RBFOX1: variants seen among roughly 807,000 people sequenced by gnomAD.
RBFOX1 encodes the protein RNA binding fox-1 homolog 1.
A neutral mutation model predicts 57.7 loss-of-function variants in RBFOX1; 8 were observed. The observed-to-expected ratio is 0.14, with a 90% CI of 0.08 to 0.25. RBFOX1 has a LOEUF of 0.25. RBFOX1 is among the 10% of genes least tolerant of loss of function. The pLI is 1.00. For missense variants in RBFOX1, 611 were observed against 548.5 expected (o/e 1.11, Z -1.14); for synonymous variants, 326 against 222.4 (o/e 1.47, Z -4.15).
chr16:5,896,320 G>T (rs1321899924), intron 4 of RBFOX1, among the ~76,000 whole-genome samples: 3 of 152,132 alleles, frequency 2.0e-5, no homozygotes, highest in Non-Finnish European at 4.4e-5. Flanking sequence ...TTTTGATCGT[G>T]GGCAAGGGTC....
At chr16:6,880,846 A>T (rs2062792259) in intron 3 of RBFOX1, among the ~76,000 whole-genome samples, 2 of 152,236 alleles carry the variant, frequency 1.3e-5, no homozygotes, top group Admixed American at 1.3e-4. Context: ...GAATTGCTGG[A>T]CAGCAAACTA....
chr16:6,901,760 A>G (rs753831729), intron 3 of RBFOX1, among the ~76,000 whole-genome samples: 1 of 152,206 alleles, frequency 6.6e-6, no homozygotes, highest in Non-Finnish European at 1.5e-5. Context: ...CCCAGTAGAG[A>G]TTAACACTCA....
chr16:5,278,263 T>C (rs1439927042), intron 1 of RBFOX1, among the ~76,000 whole-genome samples: 1 of 152,238 alleles, frequency 6.6e-6, no homozygotes, highest in East Asian at 1.9e-4. Context: ...TTAGTGACGT[T>C]GAATATTTTT....
chr16:6,933,623 G>C (rs1026819527), intron 3 of RBFOX1, among the ~76,000 whole-genome samples: 1 of 152,202 alleles, frequency 6.6e-6, no homozygotes, highest in African/African-American at 2.4e-5. Context: ...TGAAGCAGAA[G>C]AATTACTTGA....
intron 1 of RBFOX1, among the ~76,000 whole-genome samples, chr16:6,091,726 A>C (rs916031829): frequency 2.0e-4 from 30 of 152,268 alleles, no homozygotes; most frequent in African/African-American, 7.2e-4. Context: ...GCTACCTGGG[A>C]GACCGAGGCT....
intron 3 of RBFOX1, among the ~76,000 whole-genome samples, chr16:6,718,205 A>G (rs988860324): frequency 6.6e-6 from 1 of 152,204 alleles, no homozygotes; most frequent in African/African-American, 2.4e-5. Flanking sequence ...ACAACATGAA[A>G]TAATAACAGC....
At chr16:5,803,108 G>A (rs2055112017) in intron 3 of RBFOX1, among the ~76,000 whole-genome samples, 1 of 152,058 alleles carries the variant, frequency 6.6e-6, no homozygotes, top group African/African-American at 2.4e-5. Context: ...GGGTTGGATG[G>A]GACTATAGTC....
intron 1 of RBFOX1, among the ~76,000 whole-genome samples, chr16:5,460,856 G>A (rs2068766026): frequency 6.6e-6 from 1 of 152,178 alleles, no homozygotes; most frequent in South Asian, 2.1e-4. Flanking sequence ...CAGGAGCGGA[G>A]CACATCACCT....
At chr16:7,429,981 A>T (rs1292030756) in intron 4 of RBFOX1, among the ~76,000 whole-genome samples, 1 of 152,190 alleles carries the variant, frequency 6.6e-6, no homozygotes, top group African/African-American at 2.4e-5. Flanking sequence ...CCCTGCAATC[A>T]TTGAGTTTCT....
At chr16:7,656,674 G>C (rs1383374614) in intron 12 of RBFOX1, among the ~76,000 whole-genome samples, 1 of 152,162 alleles carries the variant, frequency 6.6e-6, no homozygotes, top group Non-Finnish European at 1.5e-5. Flanking sequence ...CTCACCCTAT[G>C]ACTCACACCT....
chr16:5,478,213 G>A (rs1489040350), intron 2 of RBFOX1, among the ~76,000 whole-genome samples: 1 of 152,118 alleles, frequency 6.6e-6, no homozygotes, highest in African/African-American at 2.4e-5. Flanking sequence ...TCCCAATTTA[G>A]GTTAGACTAG....
intron 3 of RBFOX1, among the ~76,000 whole-genome samples, chr16:6,759,014 A>G: frequency 6.6e-6 from 1 of 152,170 alleles, no homozygotes; most frequent in Non-Finnish European, 1.5e-5. Flanking sequence ...TGAGCTAGTC[A>G]TATTGTCACA....
intron 10 of RBFOX1, among the ~76,000 whole-genome samples, chr16:7,621,676 G>A (rs1193259994): frequency 3.3e-5 from 5 of 152,160 alleles, no homozygotes; most frequent in Admixed American, 6.5e-5. Context: ...TTAATTTTTT[G>A]GCAAGTATTG....
At chr16:7,310,791 C>T (rs889201012) in intron 4 of RBFOX1, among the ~76,000 whole-genome samples, 3 of 152,220 alleles carry the variant, frequency 2.0e-5, no homozygotes, top group Non-Finnish European at 2.9e-5. Flanking sequence ...TCCATCCACC[C>T]ATTCCATGTT....
chr16:5,792,006 C>A (rs141210905), intron 3 of RBFOX1, among the ~76,000 whole-genome samples: 1 of 152,080 alleles, frequency 6.6e-6, no homozygotes, highest in Non-Finnish European at 1.5e-5. Context: ...TTTGGCAGGG[C>A]GCTGGCTCTC....
intron 2 of RBFOX1, among the ~76,000 whole-genome samples, chr16:6,480,952 T>A (rs920361078): frequency 1.3e-5 from 2 of 152,050 alleles, no homozygotes; most frequent in African/African-American, 4.8e-5. Flanking sequence ...GTCTGTTGCC[T>A]CCCCCCACAA....
At chr16:6,651,576 G>A (rs1388150440) in intron 2 of RBFOX1, among the ~76,000 whole-genome samples, 1 of 152,154 alleles carries the variant, frequency 6.6e-6, no homozygotes, top group Non-Finnish European at 1.5e-5. Flanking sequence ...ATGAGGATGT[G>A]GACAGATTGG....
At chr16:7,108,260 C>T (rs1484092527) in intron 4 of RBFOX1, among the ~76,000 whole-genome samples, 1 of 152,174 alleles carries the variant, frequency 6.6e-6, no homozygotes, top group East Asian at 1.9e-4. Flanking sequence ...TAATGGGGAA[C>T]TGGTATTCAG....
At chr16:6,359,732 G>A (rs770217713) in intron 2 of RBFOX1, among the ~76,000 whole-genome samples, 2 of 152,084 alleles carry the variant, frequency 1.3e-5, no homozygotes, top group Non-Finnish European at 2.9e-5. Flanking sequence ...GGGATCAGGC[G>A]TGTATATAAG....
Sources: allele counts gnomAD v4.1 joint callset (sites outside exome capture counted in the v4.1 genomes callset), GRCh38; gene constraint gnomAD v4.1.1; transcripts MANE v1.5; gene names NCBI Gene and HGNC (gene_info 2026-07-23, HGNC 2026-07-21).